Variants in PRKCA observed in about 807,000 individuals in gnomAD.
PRKCA encodes protein kinase C alpha.
In PRKCA, 27 loss-of-function variants were observed where a neutral mutation model predicts 87.0. The ratio of observed to expected loss-of-function variants is 0.31; its 90% CI spans 0.23 to 0.43. The LOEUF (loss-of-function observed/expected upper bound fraction) is 0.43. Ranked by LOEUF, PRKCA falls within the 20% of genes least tolerant of loss-of-function variation. The pLI is 1.00. For missense variants in PRKCA, 518 were observed against 852.3 expected, an observed-to-expected ratio of 0.61 and a Z score of 4.88; for synonymous variants, 329 against 311.1, an observed-to-expected ratio of 1.06 and a Z score of -0.61.
chr17:66,700,736 A>C (rs1973039536), intron 8 of PRKCA, among the ~76,000 whole-genome samples: 1 of 152,212 alleles, frequency 6.6e-6, no homozygotes, highest in Non-Finnish European at 1.5e-5. Flanking sequence ...AATAAATTTA[A>C]CCGAGGAGGT....
intron 2 of PRKCA, among the ~76,000 whole-genome samples, chr17:66,326,186 T>C (rs1172402960): frequency 1.3e-5 from 2 of 152,236 alleles, no homozygotes; most frequent in Non-Finnish European, 2.9e-5. Context: ...ACTACGTGAC[T>C]GGGTTAGTGT....
At chr17:66,487,098 T>G (rs992263539) in intron 2 of PRKCA, among the ~76,000 whole-genome samples, 2 of 152,220 alleles carry the variant, frequency 1.3e-5, no homozygotes, top group African/African-American at 4.8e-5. Flanking sequence ...TTAACTATAA[T>G]TTCCCTGCTG....
intron 2 of PRKCA, among the ~76,000 whole-genome samples, chr17:66,410,207 A>AT (rs34604742): frequency 0.7 from 104,593 of 149,042 alleles, 36,693 homozygotes; most frequent in Non-Finnish European, 0.74. Context: ...ACCAACAGAG[A>AT]TTTTTTTTTT....
Position 66,717,065 on chromosome 17 carries a change from A to G in PRKCA, c.919-15623A>G, listed in dbSNP as rs142507561. ...AGAGCCTGAATAGTGATTTAATTCT[A>G]GTGCTCTTGAGATTCTTAATTGTCG... On this transcript the variant is annotated intron_variant, in intron 8 of 16. Coordinates refer to ENST00000413366, the MANE Select transcript of PRKCA (RefSeq NM_002737.3). 2.9e-3 allele frequency among the ~76,000 whole-genome samples: 442 copies of G among 152,314 alleles called. 3 individuals carry two copies. The highest frequency in any genetic ancestry group is 9.8e-3 in the African/African-American group (409 of 41,564).
At chr17:66,733,940 T>C (rs1426883232) in intron 9 of PRKCA, among the ~76,000 whole-genome samples, 1 of 152,246 alleles carries the variant, frequency 6.6e-6, no homozygotes. Context: ...AGAATGTTTG[T>C]AAGGCCAGTT....
intron 14 of PRKCA, chr17:66,777,448 A>T (rs1975082641): frequency 1.5e-6 from 1 of 688,786 alleles, no homozygotes; most frequent in African/African-American, 2.5e-5. Context: ...AAATCAAAGC[A>T]TTCCTCTTAG....
intron 2 of PRKCA, among the ~76,000 whole-genome samples, chr17:66,324,654 A>G (rs894482688): frequency 6.6e-6 from 1 of 152,130 alleles, no homozygotes; most frequent in Non-Finnish European, 1.5e-5. Context: ...TATAAAAAAA[A>G]TTTGAGAGAC....
intron 3 of PRKCA, among the ~76,000 whole-genome samples, chr17:66,564,109 C>T (rs964623599): frequency 1.3e-5 from 2 of 151,538 alleles, no homozygotes; most frequent in South Asian, 4.2e-4. Context: ...GACAGAGTCT[C>T]GCTCTGTTGC....
At chr17:66,315,572 T>G (rs1905275637) in intron 2 of PRKCA, among the ~76,000 whole-genome samples, 1 of 151,604 alleles carries the variant, frequency 6.6e-6, no homozygotes, top group South Asian at 2.1e-4. Context: ...CTCCGTCTCC[T>G]GGGTTCAAGC....
At chr17:66,494,533 G>T (rs1916382689) in intron 2 of PRKCA, among the ~76,000 whole-genome samples, 1 of 152,124 alleles carries the variant, frequency 6.6e-6, no homozygotes, top group South Asian at 2.1e-4. Context: ...TCATGGTGGA[G>T]TGACCCCCCA....
intron 2 of PRKCA, among the ~76,000 whole-genome samples, chr17:66,458,724 G>A (rs572852015): frequency 5.3e-5 from 8 of 152,022 alleles, no homozygotes; most frequent in Non-Finnish European, 1.0e-4. Flanking sequence ...CAGGTGGTCC[G>A]CCCACCTCAG....
At chr17:66,580,376 G>A (rs981983464) in intron 3 of PRKCA, among the ~76,000 whole-genome samples, 1 of 152,140 alleles carries the variant, frequency 6.6e-6, no homozygotes, top group African/African-American at 2.4e-5. Context: ...CAGAGACCCT[G>A]GGATTTTGCA....
chr17:66,438,648 G>A (rs757065938), intron 2 of PRKCA, among the ~76,000 whole-genome samples: 21 of 152,130 alleles, frequency 1.4e-4, no homozygotes, highest in Non-Finnish European at 2.8e-4. Context: ...ACTTTATAAA[G>A]GAAAGAGGTT....
At chr17:66,665,461 G>T (rs1249314413) in intron 5 of PRKCA, among the ~76,000 whole-genome samples, 1 of 151,916 alleles carries the variant, frequency 6.6e-6, no homozygotes, top group African/African-American at 2.4e-5. Flanking sequence ...CCTGAGAAGG[G>T]AGCATCGCTG....
At chr17:66,679,194 TCTTTG>T (rs1972421568) in intron 5 of PRKCA, among the ~76,000 whole-genome samples, 1 of 92,266 alleles carries the variant, frequency 1.1e-5, no homozygotes, top group Non-Finnish European at 2.3e-5. Context: ...TTTTTTTTTT[TCTTTG>T]AGACAGAGTC....
intron 5 of PRKCA, among the ~76,000 whole-genome samples, chr17:66,683,620 G>T (rs1178743128): frequency 6.6e-6 from 1 of 152,052 alleles, no homozygotes; most frequent in Non-Finnish European, 1.5e-5. Flanking sequence ...GGGTCGGGGG[G>T]ATAGAGTCTC....
intron 3 of PRKCA, among the ~76,000 whole-genome samples, chr17:66,502,975 C>T (rs1598725712): frequency 6.6e-6 from 1 of 152,160 alleles, no homozygotes; most frequent in Admixed American, 6.6e-5. Flanking sequence ...CCAGCTTTCT[C>T]GTCAAAAGTT....
At chr17:66,486,225 C>T (rs1185467593) in intron 2 of PRKCA, among the ~76,000 whole-genome samples, 1 of 152,146 alleles carries the variant, frequency 6.6e-6, no homozygotes, top group Non-Finnish European at 1.5e-5. Context: ...TTACATAAAG[C>T]AGTTACCATT....
At position 66,690,723 on chromosome 17, in the gene PRKCA, G is replaced by A. The variant is rs192856648; in HGVS notation, c.918+1676G>A. On this transcript the variant is annotated intron_variant, in intron 8 of 16. Transcript: ENST00000413366. ...TGTGCCTGTACTCCCAGCTACTCCA[G>A]AGGCTGAGACACGAGAATCACTTAT... is the stretch of plus-strand genomic sequence containing the variant. Among the ~76,000 whole-genome samples the A allele has an allele frequency of 2.9e-3, 429 of 150,282 alleles. 2 individuals carry two copies. The highest frequency in any genetic ancestry group is 4.7e-3 in the Non-Finnish European group (318 of 67,858).
Sources: allele counts gnomAD v4.1 joint callset (sites outside exome capture counted in the v4.1 genomes callset), GRCh38; gene constraint gnomAD v4.1.1; transcripts MANE v1.5; gene names NCBI Gene and HGNC (gene_info 2026-07-23, HGNC 2026-07-21).